The following SDK1 variants were observed in gnomAD, a reference collection of about 807,000 sequenced individuals.
SDK1 encodes the protein protein sidekick-1.
Under a neutral mutation model 245.5 loss-of-function variants are expected in SDK1, and 157 were observed. The ratio of observed to expected loss-of-function variants is 0.64; its 90% confidence interval spans 0.56 to 0.73. The LOEUF is 0.73. Among genes scored for constraint, SDK1 ranks in the 30% least tolerant of loss-of-function variants. SDK1 has a pLI of 0.00. For synonymous variants in SDK1, 1,647 were observed against 1,278.5 expected (o/e 1.29, Z -6.15); for missense variants, 3,583 against 3,002.3 (o/e 1.19, Z -4.52).
intron 1 of SDK1, among the ~76,000 whole-genome samples, chr7:3,557,974 G>C (rs549504328): frequency 6.6e-6 from 1 of 152,104 alleles, no homozygotes; most frequent in Non-Finnish European, 1.5e-5. Context: ...ATCAGTATTA[G>C]ACAAAGCATA....
chr7:4,139,517 GTGTGTGTA>G (rs1383055463), intron 28 of SDK1, among the ~76,000 whole-genome samples: 1 of 31,934 alleles, frequency 3.1e-5, no homozygotes, highest in African/African-American at 1.1e-4. Context: ...ATGTATATAT[GTGTGTGTA>G]TGTGTGTGTG....
chr7:3,805,892 A>C (rs985223494), intron 4 of SDK1, among the ~76,000 whole-genome samples: 5 of 152,126 alleles, frequency 3.3e-5, no homozygotes, highest in Non-Finnish European at 7.4e-5. Context: ...TCTCCTTCCA[A>C]GTCACCTCCT....
At chr7:3,356,817 G>A (rs1316059413) in intron 1 of SDK1, among the ~76,000 whole-genome samples, 1 of 151,928 alleles carries the variant, frequency 6.6e-6, no homozygotes, top group Admixed American at 6.6e-5. Context: ...CAGCACTTTG[G>A]GAGGCCGAGG....
chr7:3,901,237 A>G (rs1187620201), intron 5 of SDK1, among the ~76,000 whole-genome samples: 1 of 150,712 alleles, frequency 6.6e-6, no homozygotes, highest in East Asian at 2.0e-4. Flanking sequence ...ACCAAGCTGG[A>G]GTGTGGTGGC....
At chr7:3,591,965 A>G (rs1308283873) in intron 1 of SDK1, among the ~76,000 whole-genome samples, 1 of 152,268 alleles carries the variant, frequency 6.6e-6, no homozygotes, top group Non-Finnish European at 1.5e-5. Context: ...ATGCCCGGAT[A>G]CAGATGACAA....
chr7:3,600,357 A>G (rs1217287624), intron 1 of SDK1, among the ~76,000 whole-genome samples: 1 of 152,136 alleles, frequency 6.6e-6, no homozygotes, highest in Non-Finnish European at 1.5e-5. Context: ...ATAGACAGTA[A>G]CATCATCTAC....
At chr7:3,444,756 A>C (rs553504628) in intron 1 of SDK1, among the ~76,000 whole-genome samples, 1 of 152,318 alleles carries the variant, frequency 6.6e-6, no homozygotes, top group South Asian at 2.1e-4. Context: ...AACTTGGCTA[A>C]TGTCCAGTTT....
intron 1 of SDK1, among the ~76,000 whole-genome samples, chr7:3,556,388 G>T (rs1294920450): frequency 6.6e-6 from 1 of 152,112 alleles, no homozygotes; most frequent in Admixed American, 6.5e-5. Flanking sequence ...GGGTAGAATG[G>T]TTCCCTGAGG....
intron 5 of SDK1, among the ~76,000 whole-genome samples, chr7:3,887,307 C>G (rs992434877): frequency 6.6e-6 from 1 of 152,158 alleles, no homozygotes; most frequent in African/African-American, 2.4e-5. Context: ...ATTTCTATTT[C>G]CATGTCATTA....
At chr7:3,913,357 G>GGT (rs1562532217) in intron 5 of SDK1, among the ~76,000 whole-genome samples, 2 of 148,656 alleles carry the variant, frequency 1.3e-5, no homozygotes, top group Non-Finnish European at 3.0e-5. Context: ...GCAGTGGCAC[G>GGT]ATCTCGGCTC....
intron 1 of SDK1, among the ~76,000 whole-genome samples, chr7:3,579,877 A>C (rs1481394227): frequency 2.0e-5 from 3 of 152,232 alleles, no homozygotes; most frequent in African/African-American, 7.2e-5. Flanking sequence ...CCACACCCAG[A>C]GGTGCCTTGG....
At chr7:3,580,488 A>G (rs1198520624) in intron 1 of SDK1, among the ~76,000 whole-genome samples, 3 of 152,200 alleles carry the variant, frequency 2.0e-5, no homozygotes, top group Non-Finnish European at 4.4e-5. Flanking sequence ...AGATAAGGCC[A>G]TCACACCTAG....
intron 14 of SDK1, among the ~76,000 whole-genome samples, chr7:3,989,451 C>G (rs909193793): frequency 2.6e-5 from 4 of 152,208 alleles, no homozygotes; most frequent in African/African-American, 9.7e-5. Context: ...ACCCACATCA[C>G]CCATCATTTA....
At chr7:3,552,779 G>A (rs1283266722) in intron 1 of SDK1, among the ~76,000 whole-genome samples, 1 of 152,154 alleles carries the variant, frequency 6.6e-6, no homozygotes, top group African/African-American at 2.4e-5. Context: ...TACCTTCTCA[G>A]AACAAAGCAG....
chr7:4,128,416 C>T (rs1041636182), intron 26 of SDK1, among the ~76,000 whole-genome samples: 37 of 152,228 alleles, frequency 2.4e-4, no homozygotes, highest in African/African-American at 7.2e-4. Flanking sequence ...CCGAGAAACG[C>T]GCTTGCTGTG....
At chr7:4,225,101 A>G (rs1785351178) in intron 40 of SDK1, among the ~76,000 whole-genome samples, 1 of 150,390 alleles carries the variant, frequency 6.6e-6, no homozygotes, top group Admixed American at 6.6e-5. Context: ...CTACAGATTA[A>G]GGATCCCAGC....
At chr7:3,842,693 C>G (rs1780188966) in intron 5 of SDK1, among the ~76,000 whole-genome samples, 1 of 152,088 alleles carries the variant, frequency 6.6e-6, no homozygotes, top group South Asian at 2.1e-4. Context: ...TACCATGACA[C>G]CAGCACCCTA....
At chr7:3,913,073 A>G (rs1447270977) in intron 5 of SDK1, among the ~76,000 whole-genome samples, 1 of 152,146 alleles carries the variant, frequency 6.6e-6, no homozygotes, top group African/African-American at 2.4e-5. Flanking sequence ...GACAGGGAAA[A>G]CAGTTAAAAT....
At chr7:3,775,281 C>G (rs1780520083) in intron 4 of SDK1, among the ~76,000 whole-genome samples, 1 of 152,056 alleles carries the variant, frequency 6.6e-6, no homozygotes. Context: ...TAAGTTGGAC[C>G]ATATGTAATT....
Sources: allele counts gnomAD v4.1 joint callset (sites outside exome capture counted in the v4.1 genomes callset), GRCh38; gene constraint gnomAD v4.1.1; transcripts MANE v1.5; gene names NCBI Gene and HGNC (gene_info 2026-07-23, HGNC 2026-07-21).